Variants in FANCA observed in about 807,000 individuals in gnomAD.
FANCA encodes the protein Fanconi anemia group A protein.
A neutral mutation model predicts 194.3 loss-of-function variants in FANCA; 236 were observed. The observed-to-expected ratio is 1.21, with a 90% CI of 1.09 to 1.35. The LOEUF (loss-of-function observed/expected upper bound fraction) is 1.35, where lower values mean the gene tolerates loss of function less well. Among genes scored for constraint, FANCA ranks in the 40% most tolerant of loss-of-function variants. FANCA has a pLI of 0.00. For missense variants in FANCA, 2,628 were observed against 1,813.9 expected, an observed-to-expected ratio of 1.45 and a Z score of -8.15; for synonymous variants, 1,014 against 715.8, an observed-to-expected ratio of 1.42 and a Z score of -6.65.
Position 89,796,028 on chromosome 16 carries a change from C to G in FANCA, c.894-10G>C, listed in dbSNP as rs751912856. ...ACTGAACACTCCGAACCTGCCAATGCAGCAGAAAGAGGGGTCAGGAAAGGG... is the reference window on the plus strand; with the variant it reads ...ACTGAACACTCCGAACCTGCCAATGGAGCAGAAAGAGGGGTCAGGAAAGGG... On this transcript the variant is annotated splice_polypyrimidine_tract_variant and intron_variant, in intron 10 of 42. Coordinates refer to ENST00000389301, the MANE Select transcript of FANCA (RefSeq NM_000135.4). 6.2e-7 allele frequency: 1 copy of G among 1,608,656 alleles called. No individual in the cohort carries two copies. The highest frequency in any genetic ancestry group is 1.3e-5 in the African/African-American group (1 of 74,832).
intron 7 of FANCA, 148 bp from the exon 8 acceptor site, chr16:89,803,489 G>A (rs2040528982): frequency 1.1e-5 from 8 of 730,796 alleles, no homozygotes; most frequent in East Asian, 2.6e-5. Flanking sequence ...CCTGAGGAAC[G>A]CTGCAGAAGT....
intron 37 of FANCA, among the ~76,000 whole-genome samples, chr16:89,742,407 G>A (rs1279262686): frequency 6.6e-6 from 1 of 151,936 alleles, no homozygotes; most frequent in Non-Finnish European, 1.5e-5. Context: ...TGAGCTGACT[G>A]CACCACTGCA....
chr16:89,778,484 A>C, intron 20 of FANCA: 4 of 330,354 alleles, frequency 1.2e-5, no homozygotes, highest in Non-Finnish European at 2.2e-5. Context: ...AAAAAAAAAA[A>C]ACTTAGCCAG....
chr16:89,767,488 C>G (rs1477242524), intron 26 of FANCA, among the ~76,000 whole-genome samples: 1 of 152,126 alleles, frequency 6.6e-6, no homozygotes, highest in Non-Finnish European at 1.5e-5. Flanking sequence ...CTGCCTCAGC[C>G]TCCCAGGTAG....
chr16:89,802,650 G>A lies in FANCA; in HGVS notation c.792+609C>T, dbSNP rs537391644. Among the ~76,000 whole-genome samples, 6 of 151,876 alleles carry A rather than the reference G, an allele frequency of 4.0e-5. No homozygotes were observed. In the South Asian group the frequency reaches 6.2e-4, roughly 16 times the overall value. On this transcript the variant is annotated intron_variant, in intron 8 of 42. Coordinates refer to ENST00000389301, the MANE Select transcript of FANCA (RefSeq NM_000135.4). ...GATCTCCTGACCTTGTGATCCGCCC[G>A]CCTCGTCCTCCCAAAGTGCTGGGAT...
chr16:89,815,874 T>C lies in FANCA; in HGVS notation c.189+3A>G. The C allele has an allele frequency of 2.5e-6, 4 of 1,608,422 alleles. No individual in the cohort carries two copies. The highest frequency in any genetic ancestry group is 3.4e-6 in the Non-Finnish European group (4 of 1,174,810). Reference sequence around the variant, plus strand: ...CCGCAGACGGACACCAGCTTCCTCTTACCTCAAGCAAAAGGGCATTCAGGT... The same window carrying C: ...CCGCAGACGGACACCAGCTTCCTCTCACCTCAAGCAAAAGGGCATTCAGGT... On this transcript the variant is annotated splice_donor_region_variant and intron_variant, in intron 2 of 42. Transcript: ENST00000389301.
chr16:89,763,820 C>A (rs552513575), intron 28 of FANCA, among the ~76,000 whole-genome samples: 1 of 151,822 alleles, frequency 6.6e-6, no homozygotes, highest in East Asian at 2.0e-4. Context: ...GTAGTCCCAG[C>A]TACTTGGGAG....
intron 22 of FANCA, among the ~76,000 whole-genome samples, chr16:89,772,512 A>AG (rs2039360413): frequency 6.6e-6 from 1 of 151,456 alleles, no homozygotes; most frequent in South Asian, 2.1e-4. Context: ...TCTCAAAAAA[A>AG]TATATATATA....
chr16:89,771,853 C>T (rs760538712), intron 22 of FANCA, 39 bp from the exon 23 acceptor site: 50 of 1,612,088 alleles, frequency 3.1e-5, no homozygotes, highest in East Asian at 4.5e-5. Context: ...ACAAGAACCC[C>T]GAAAGGAGGG....
intron 21 of FANCA, among the ~76,000 whole-genome samples, chr16:89,773,906 A>T (rs550655016): frequency 6.2e-4 from 94 of 151,662 alleles, no homozygotes; most frequent in African/African-American, 2.2e-3. Context: ...AGTAGCTGGG[A>T]CTACAGGCAC....
chr16:89,815,822 ACTCAAAAACCCCGAACCTAAATCTG>A, intron 2 of FANCA, 30 bp downstream of exon 2: 1 of 1,333,210 alleles, frequency 7.5e-7, no homozygotes. Context: ...CGGTGGCTGG[ACTCAAAAACCCCGAACCTAAATCTG>A]CCCGCAGACG....
intron 14 of FANCA, among the ~76,000 whole-genome samples, chr16:89,789,939 G>A (rs1057277222): frequency 2.0e-5 from 3 of 152,108 alleles, no homozygotes; most frequent in Non-Finnish European, 1.5e-5. Flanking sequence ...AATGGGCCCT[G>A]GATCTTTATT....
chr16:89,737,912 G>T lies in FANCA; in HGVS notation c.*689C>A. The stretch of plus-strand genomic sequence containing the variant: ...CGGGAGCCAAGCCTTTGCAGTAAGT[G>T]TGAGTCAGGACCCCCTCCCAGGGCT... On this transcript the variant is annotated 3_prime_UTR_variant, in exon 43 of 43. Coordinates refer to ENST00000389301, the MANE Select transcript of FANCA (RefSeq NM_000135.4). 1 of 1,578,264 alleles carries T rather than the reference G, an allele frequency of 6.3e-7. No homozygotes were observed. The highest frequency in any genetic ancestry group is 8.5e-7 in the Non-Finnish European group (1 of 1,173,154).
Position 89,774,844 on chromosome 16 carries a change from A to T in FANCA, c.1900+898T>A, listed in dbSNP as rs555704117. Among the ~76,000 whole-genome samples the T allele has an allele frequency of 4.6e-4, 69 of 151,534 alleles. 1 individual carries two copies. Among genetic ancestry groups the T allele is most frequent in the Middle Eastern group, 6.8e-3 (2 of 294 alleles). ...TACGGTTGCTCATGCCTGTAATCCC[A>T]GCACTTTGAAAGGCCGAGGCAGGCG... is the stretch of plus-strand genomic sequence containing the variant. On this transcript the variant is annotated intron_variant, in intron 21 of 42. Transcript: ENST00000389301.
At chr16:89,816,066 G>C in intron 1 of FANCA, 80 bp from the exon 2 acceptor site, 1 of 1,073,428 alleles carries the variant, frequency 9.3e-7, no homozygotes, top group Non-Finnish European at 1.4e-6. Context: ...GGTGGACGCC[G>C]CGGAGAAACC....
chr16:89,747,402 T>G (rs2038427471), intron 33 of FANCA, among the ~76,000 whole-genome samples: 1 of 152,228 alleles, frequency 6.6e-6, no homozygotes, highest in South Asian at 2.1e-4. Context: ...CTGCTTTCCT[T>G]GTCACATTTT....
chr16:89,751,795 C>T (rs55898925), intron 31 of FANCA, among the ~76,000 whole-genome samples: 3,113 of 149,048 alleles, frequency 0.021, 91 homozygotes, highest in African/African-American at 0.067. Flanking sequence ...GAGACGGAGT[C>T]TCACTCTGTC....
chr16:89,777,458 G>T (rs1290579437), intron 20 of FANCA, among the ~76,000 whole-genome samples: 1 of 152,066 alleles, frequency 6.6e-6, no homozygotes, highest in African/African-American at 2.4e-5. Context: ...GAGCATGGTG[G>T]CTCACGCTTG....
At chr16:89,787,358 C>A (rs1391015155) in intron 14 of FANCA, among the ~76,000 whole-genome samples, 6 of 152,114 alleles carry the variant, frequency 3.9e-5, no homozygotes, top group Non-Finnish European at 8.8e-5. Flanking sequence ...CCTGTCTCTA[C>A]TAAAAATACA....
Sources: allele counts gnomAD v4.1 joint callset (sites outside exome capture counted in the v4.1 genomes callset), GRCh38; gene constraint gnomAD v4.1.1; transcripts MANE v1.5; gene names NCBI Gene and HGNC (gene_info 2026-07-23, HGNC 2026-07-21).